The following LRMDA variants were observed in gnomAD, a reference collection of about 807,000 sequenced individuals.
The protein encoded by LRMDA is leucine rich melanocyte differentiation associated.
LRMDA carries 18 observed loss-of-function variants against 29.8 expected under a neutral mutation model. That is an observed-to-expected ratio of 0.60 (90% CI 0.42 to 0.90). The LOEUF (loss-of-function observed/expected upper bound fraction) is 0.90, where lower values mean the gene tolerates loss of function less well. LRMDA is among the 40% of genes least tolerant of loss of function. The pLI, the probability that LRMDA is intolerant of heterozygous loss-of-function variation, is 0.00. For missense variants in LRMDA, 273 were observed against 273.9 expected (o/e 1.00, Z 0.02); for synonymous variants, 125 against 109.4 (o/e 1.14, Z -0.89).
intron 2 of LRMDA, among the ~76,000 whole-genome samples, chr10:75,488,880 T>A (rs988284716): frequency 1.3e-5 from 2 of 152,190 alleles, no homozygotes; most frequent in African/African-American, 4.8e-5. Context: ...TTCCCCTTTA[T>A]GGCCAAGAGC....
chr10:76,407,397 A>C (rs576663217), intron 6 of LRMDA, among the ~76,000 whole-genome samples: 3 of 152,348 alleles, frequency 2.0e-5, no homozygotes, highest in South Asian at 4.1e-4. Context: ...AGGAGTTGGA[A>C]CACACAATCT....
chr10:75,860,148 G>A (rs1342579600), intron 2 of LRMDA, among the ~76,000 whole-genome samples: 2 of 152,068 alleles, frequency 1.3e-5, no homozygotes, highest in Non-Finnish European at 2.9e-5. Context: ...CTGGCTAAGA[G>A]TATTTCACAA....
At chr10:76,394,830 A>G (rs1409262383) in intron 6 of LRMDA, among the ~76,000 whole-genome samples, 1 of 152,200 alleles carries the variant, frequency 6.6e-6, no homozygotes, top group Non-Finnish European at 1.5e-5. Context: ...GCATGCTTTA[A>G]TCACTGGAAG....
chr10:76,330,178 T>C (rs550282880), intron 6 of LRMDA, among the ~76,000 whole-genome samples: 34 of 152,308 alleles, frequency 2.2e-4, no homozygotes, highest in Non-Finnish European at 4.7e-4. Flanking sequence ...ATACTTTTCC[T>C]CATCTATTAT....
chr10:76,283,383 G>A (rs1170934990), intron 5 of LRMDA, among the ~76,000 whole-genome samples: 1 of 152,122 alleles, frequency 6.6e-6, no homozygotes, highest in Non-Finnish European at 1.5e-5. Flanking sequence ...AAGGGAGATA[G>A]AGTTCTTCCC....
chr10:75,913,685 C>T (rs769641480), intron 2 of LRMDA, among the ~76,000 whole-genome samples: 2 of 152,074 alleles, frequency 1.3e-5, no homozygotes, highest in Non-Finnish European at 2.9e-5. Flanking sequence ...TAGGAGGGAG[C>T]CTTGGGCTCA....
intron 2 of LRMDA, among the ~76,000 whole-genome samples, chr10:75,952,420 A>C (rs1846592333): frequency 6.6e-6 from 1 of 152,180 alleles, no homozygotes; most frequent in African/African-American, 2.4e-5. Flanking sequence ...TCATGAATCA[A>C]ATGGGCCATT....
intron 6 of LRMDA, among the ~76,000 whole-genome samples, chr10:76,379,910 A>G (rs1841568938): frequency 6.6e-6 from 1 of 152,134 alleles, no homozygotes; most frequent in Non-Finnish European, 1.5e-5. Flanking sequence ...TTGTTGTGTC[A>G]CTGTTTTCAT....
intron 5 of LRMDA, among the ~76,000 whole-genome samples, chr10:76,197,122 T>C (rs1851343905): frequency 1.3e-5 from 2 of 152,234 alleles, no homozygotes; most frequent in South Asian, 4.1e-4. Context: ...AACAGTTTCC[T>C]CAGTTGGTCC....
rs145969291 is a variant in LRMDA at position 75,622,175 on chromosome 10, G to T, written c.131+183681G>T. Among the ~76,000 whole-genome samples, 466 of 152,280 alleles carry T rather than the reference G, an allele frequency of 3.1e-3. 3 individuals carry two copies. The highest frequency in any genetic ancestry group is 0.011 in the African/African-American group (438 of 41,556). ...GTGCATTTAATTTTTTTAGGGGAAT[G>T]TATTTAGAGATGATGGTATAAGAAG... On this transcript the variant is annotated intron_variant, in intron 2 of 6. Coordinates refer to ENST00000611255, the MANE Select transcript of LRMDA (RefSeq NM_001305581.2).
At chr10:75,515,795 T>G (rs886905771) in intron 2 of LRMDA, among the ~76,000 whole-genome samples, 7 of 152,196 alleles carry the variant, frequency 4.6e-5, no homozygotes, top group Admixed American at 4.6e-4. Flanking sequence ...GTTGGTTTGC[T>G]GAATCTATCA....
chr10:76,384,228 T>C (rs547700267), intron 6 of LRMDA, among the ~76,000 whole-genome samples: 6 of 152,360 alleles, frequency 3.9e-5, no homozygotes, highest in Non-Finnish European at 7.3e-5. Flanking sequence ...CATGCTTGGA[T>C]CAACATCTTT....
At chr10:75,457,954 C>G (rs1464770460) in intron 2 of LRMDA, among the ~76,000 whole-genome samples, 1 of 152,046 alleles carries the variant, frequency 6.6e-6, no homozygotes, top group Non-Finnish European at 1.5e-5. Context: ...TGTTGGAGAC[C>G]AAGAAGCTGG....
intron 2 of LRMDA, among the ~76,000 whole-genome samples, chr10:75,753,101 T>C (rs1360221710): frequency 6.6e-6 from 1 of 152,148 alleles, no homozygotes; most frequent in African/African-American, 2.4e-5. Context: ...TTCCTCCATA[T>C]GTAAAATGGG....
chr10:75,525,092 G>C (rs1845398851), intron 2 of LRMDA, among the ~76,000 whole-genome samples: 1 of 152,192 alleles, frequency 6.6e-6, no homozygotes, highest in Admixed American at 6.5e-5. Context: ...AGAGGTTTGG[G>C]TGATGATTTT....
intron 6 of LRMDA, among the ~76,000 whole-genome samples, chr10:76,533,286 C>T (rs2132375899): frequency 6.6e-6 from 1 of 152,272 alleles, no homozygotes; most frequent in South Asian, 2.1e-4. Context: ...AGTATATTGA[C>T]CATGACAGGC....
chr10:76,073,127 A>G (rs1188292352), intron 5 of LRMDA, among the ~76,000 whole-genome samples: 4 of 152,202 alleles, frequency 2.6e-5, no homozygotes, highest in African/African-American at 9.7e-5. Context: ...GGGCACAGAC[A>G]TATGTGTGGT....
intron 2 of LRMDA, among the ~76,000 whole-genome samples, chr10:75,934,658 A>G (rs1395770553): frequency 1.3e-5 from 2 of 152,204 alleles, no homozygotes; most frequent in East Asian, 3.9e-4. Context: ...GCAGGGGTCT[A>G]GGTACCACTC....
intron 2 of LRMDA, among the ~76,000 whole-genome samples, chr10:75,468,845 G>A (rs1261286505): frequency 1.3e-5 from 2 of 152,040 alleles, no homozygotes; most frequent in African/African-American, 2.4e-5. Flanking sequence ...CTGATTAATG[G>A]CACTCATGTC....
Sources: gnomAD v4.1 joint callset for allele counts (sites outside exome capture counted in the v4.1 genomes callset) on GRCh38, gnomAD v4.1.1 for gene constraint, MANE v1.5 for transcripts, NCBI Gene and HGNC (gene_info 2026-07-23, HGNC 2026-07-21) for gene names.